KCNIP4: variants seen among roughly 807,000 people sequenced by gnomAD.
KCNIP4 encodes potassium voltage-gated channel interacting protein 4, also known as Kv channel-interacting protein 4.
In KCNIP4, 12 loss-of-function variants were observed where a neutral mutation model predicts 34.0. That is an observed-to-expected ratio of 0.35 (90% confidence interval 0.23 to 0.57). The LOEUF (loss-of-function observed/expected upper bound fraction) is 0.57. Among genes scored for constraint, KCNIP4 ranks in the 20% least tolerant of loss-of-function variants. The pLI, the probability that KCNIP4 is intolerant of heterozygous loss-of-function variation, is 0.83. For synonymous variants in KCNIP4, 124 were observed against 102.2 expected (o/e 1.21, Z -1.29); for missense variants, 238 against 311.7 (o/e 0.76, Z 1.78).
chr4:21,583,246 G>A (rs764056616), intron 1 of KCNIP4, among the ~76,000 whole-genome samples: 5 of 151,952 alleles, frequency 3.3e-5, no homozygotes, highest in Non-Finnish European at 4.4e-5. Flanking sequence ...AAGGATTTTA[G>A]CATCTGATAA....
rs1731259517 is a variant in KCNIP4, at chr4:20,938,089, A to G, written c.62-55380T>C. Among the ~76,000 whole-genome samples, 3 of 152,310 alleles carry G rather than the reference A, an allele frequency of 2.0e-5. No individual in the cohort carries two copies. In the South Asian group the frequency reaches 6.2e-4, roughly 32 times the overall value. On this transcript the variant is annotated intron_variant, in intron 1 of 8. Transcript: ENST00000382152. The stretch of plus-strand genomic sequence containing the variant: ...GGTTTCTCATAAATATACATCTTTA[A>G]GTTTCAAAGAGACAGAGCTAATGAA...
chr4:21,213,819 C>T (rs1383590473), intron 1 of KCNIP4, among the ~76,000 whole-genome samples: 1 of 152,196 alleles, frequency 6.6e-6, no homozygotes, highest in African/African-American at 2.4e-5. Context: ...ACATCACAAC[C>T]TGCCTTTCAT....
chr4:20,967,598 C>G (rs1329501828), intron 1 of KCNIP4, among the ~76,000 whole-genome samples: 2 of 152,140 alleles, frequency 1.3e-5, no homozygotes, highest in Non-Finnish European at 1.5e-5. Context: ...ACCAATGAAA[C>G]AGAGCAGAGG....
intron 1 of KCNIP4, among the ~76,000 whole-genome samples, chr4:20,969,345 T>C (rs556775864): frequency 6.6e-6 from 1 of 152,290 alleles, no homozygotes; most frequent in South Asian, 2.1e-4. Context: ...GCCATTAGCA[T>C]TCCAGCCCTA....
chr4:21,618,494 T>C (rs1269631679), intron 1 of KCNIP4, among the ~76,000 whole-genome samples: 2 of 152,102 alleles, frequency 1.3e-5, no homozygotes, highest in African/African-American at 2.4e-5. Flanking sequence ...ACCTTTCTAG[T>C]TGGAGAGTGG....
chr4:20,935,425 C>T (rs777350347), intron 1 of KCNIP4, among the ~76,000 whole-genome samples: 39 of 152,134 alleles, frequency 2.6e-4, no homozygotes, highest in Non-Finnish European at 4.4e-5. Context: ...ATCTTAGATA[C>T]TCAAACTGTC....
At chr4:21,709,839 G>A (rs1191060349) in intron 1 of KCNIP4, among the ~76,000 whole-genome samples, 2 of 152,120 alleles carry the variant, frequency 1.3e-5, no homozygotes, top group Non-Finnish European at 2.9e-5. Context: ...AATCCCTTTT[G>A]TGCTAAAATG....
chr4:21,751,566 T>A (rs1301891307), intron 1 of KCNIP4, among the ~76,000 whole-genome samples: 1 of 152,182 alleles, frequency 6.6e-6, no homozygotes, highest in African/African-American at 2.4e-5. Context: ...AAAGGGTGCA[T>A]AAGCTCTATT....
chr4:21,109,499 T>C (rs181832527), intron 1 of KCNIP4, among the ~76,000 whole-genome samples: 2,840 of 152,274 alleles, frequency 0.019, 78 homozygotes, highest in African/African-American at 0.063. Context: ...CCAGGTGCCG[T>C]CTGTCACCCC....
chr4:21,789,416 A>G (rs1720128202), intron 1 of KCNIP4, among the ~76,000 whole-genome samples: 1 of 152,196 alleles, frequency 6.6e-6, no homozygotes, highest in African/African-American at 2.4e-5. Flanking sequence ...TTAGTCTGCA[A>G]AACCACCACT....
intron 1 of KCNIP4, among the ~76,000 whole-genome samples, chr4:21,106,955 C>A (rs1174851232): frequency 2.0e-5 from 3 of 150,718 alleles, no homozygotes; most frequent in African/African-American, 7.4e-5. Flanking sequence ...GCACTGTGGT[C>A]TGAGAGACAG....
chr4:21,894,395 C>T (rs1207038867), intron 1 of KCNIP4, among the ~76,000 whole-genome samples: 1 of 151,894 alleles, frequency 6.6e-6, no homozygotes, highest in Non-Finnish European at 1.5e-5. Context: ...GCAATCTCTC[C>T]TCAAATTTTT....
At chr4:21,274,569 A>G (rs1195773455) in intron 1 of KCNIP4, among the ~76,000 whole-genome samples, 1 of 152,126 alleles carries the variant, frequency 6.6e-6, no homozygotes, top group Non-Finnish European at 1.5e-5. Flanking sequence ...ATTACTACGG[A>G]CTCCTAAAGG....
intron 1 of KCNIP4, among the ~76,000 whole-genome samples, chr4:21,637,848 T>C (rs998820172): frequency 4.0e-5 from 6 of 149,588 alleles, no homozygotes; most frequent in African/African-American, 1.5e-4. Flanking sequence ...GCTTGCCTAA[T>C]CACACAAATC....
intron 1 of KCNIP4, among the ~76,000 whole-genome samples, chr4:21,930,762 G>A (rs901411676): frequency 2.0e-5 from 3 of 152,082 alleles, no homozygotes; most frequent in African/African-American, 7.2e-5. Context: ...TCTCTAAGTA[G>A]GTAGTTATTC....
rs1415915501 is a variant in KCNIP4 at position 20,749,154 on chromosome 4, TC to T, written c.429+507del. On this transcript the variant is annotated intron_variant, in intron 5 of 8. Transcript: ENST00000382152. ...GCCTTTATGACAGAGCGAGACTCTT[TC>T]AAAAAAAAAAAAAAAAATACGTTCT... Among the ~76,000 whole-genome samples the T allele has an allele frequency of 4.1e-4, 34 of 82,634 alleles. No individual in the cohort carries two copies. The South Asian group carries it at 5.1e-3, about 12-fold the overall frequency. 54.2% of individuals were successfully genotyped at this position (82,634 alleles called of 152,430 possible). A position where few individuals can be genotyped will look rare whatever the true frequency, so the allele number is the denominator to read the frequency against.
At chr4:21,588,100 C>A (rs775907710) in intron 1 of KCNIP4, among the ~76,000 whole-genome samples, 9 of 151,876 alleles carry the variant, frequency 5.9e-5, no homozygotes, top group Non-Finnish European at 1.2e-4. Context: ...CATGTGAGAG[C>A]CCTTAAATAT....
At chr4:21,936,819 T>C (rs941713099) in intron 1 of KCNIP4, among the ~76,000 whole-genome samples, 1 of 152,086 alleles carries the variant, frequency 6.6e-6, no homozygotes, top group Non-Finnish European at 1.5e-5. Flanking sequence ...TCCCTGTTAG[T>C]TAACAAATAT....
chr4:20,881,506 T>C (rs185808670), intron 2 of KCNIP4, among the ~76,000 whole-genome samples: 2 of 152,310 alleles, frequency 1.3e-5, no homozygotes, highest in South Asian at 2.1e-4. Context: ...AAGAGTTGTT[T>C]GATGCTTGAA....
Sources: allele counts gnomAD v4.1 joint callset (sites outside exome capture counted in the v4.1 genomes callset), GRCh38; gene constraint gnomAD v4.1.1; transcripts MANE v1.5; gene names NCBI Gene and HGNC (gene_info 2026-07-23, HGNC 2026-07-21).